CCDC73: variants seen among roughly 807,000 people sequenced by gnomAD.
The protein encoded by CCDC73 is coiled-coil domain containing 73.
CCDC73 carries 95 observed loss-of-function variants against 116.5 expected under a neutral mutation model. That is an observed-to-expected ratio of 0.82 (90% CI 0.69 to 0.97). CCDC73 has a LOEUF of 0.97. Ranked by LOEUF, CCDC73 falls within the 50% of genes least tolerant of loss-of-function variation. The probability of loss-of-function intolerance (pLI) is 0.00; values close to 1 mark genes in which losing one functional copy is unlikely to be tolerated. For missense variants in CCDC73, 1,066 were observed against 1,206.8 expected (o/e 0.88, Z 1.73); for synonymous variants, 398 against 401.3 (o/e 0.99, Z 0.10).
intron 13 of CCDC73, among the ~76,000 whole-genome samples, chr11:32,640,003 A>G (rs1465518944): frequency 1.3e-5 from 2 of 152,156 alleles, no homozygotes; most frequent in Non-Finnish European, 2.9e-5. Flanking sequence ...ACATGATTCC[A>G]ATTTATTTTT....
chr11:32,698,010 A>ATTTTTTTTTTTTTTTTTTTTTTTTT lies in CCDC73; in HGVS notation c.390+1240_390+1241insAAAAAAAAAAAAAAAAAAAAAAAAA, dbSNP rs1849771437. 1.7e-5 allele frequency among the ~76,000 whole-genome samples: 2 copies of ATTTTTTTTTTTTTTTTTTTTTTTTT among 117,758 alleles called. 1 individual carries two copies. The highest frequency in any genetic ancestry group is 6.7e-5 in the African/African-American group (2 of 29,924). 77.3% of individuals were successfully genotyped at this position (117,758 alleles called of 152,430 possible). A position where few individuals can be genotyped will look rare whatever the true frequency, so the allele number is the denominator to read the frequency against. On this transcript the variant is annotated intron_variant, in intron 6 of 17. Coordinates refer to ENST00000335185, the MANE Select transcript of CCDC73 (RefSeq NM_001008391.4). ...TCTGTTGTTTCTTTGTCTAACACTG[A>ATTTTTTTTTTTTTTTTTTTTTTTTT]ATTTTTTTTTTTTTTTTTTTTTTTT... is the stretch of plus-strand genomic sequence containing the variant.
intron 14 of CCDC73, among the ~76,000 whole-genome samples, chr11:32,632,743 GT>G (rs1178275193): frequency 6.6e-6 from 1 of 151,868 alleles, no homozygotes; most frequent in Non-Finnish European, 1.5e-5. Flanking sequence ...ATGTGTGTGT[GT>G]ATGTTGTGTA....
chr11:32,612,956 A>T (rs902910082), intron 16 of CCDC73, among the ~76,000 whole-genome samples: 2 of 152,186 alleles, frequency 1.3e-5, no homozygotes, highest in Non-Finnish European at 2.9e-5. Flanking sequence ...TGAATGCATG[A>T]ATATATGTTA....
At chr11:32,631,247 A>C (rs1443099879) in intron 14 of CCDC73, among the ~76,000 whole-genome samples, 1 of 152,006 alleles carries the variant, frequency 6.6e-6, no homozygotes, top group Non-Finnish European at 1.5e-5. Flanking sequence ...TCTAATTGCC[A>C]TTTATAAAAC....
In CCDC73 at chr11:32,760,714, T is replaced by G. The variant is rs576718090; in HGVS notation, c.-15-456A>C. Among the ~76,000 whole-genome samples, 13 of 152,302 alleles carry G rather than the reference T, an allele frequency of 8.5e-5. No homozygotes were observed. The South Asian group carries it at 2.7e-3, about 32-fold the overall frequency. Reference sequence around the variant, plus strand: ...AATTGCCTTTTATTAAAAACCAAGATAGTTAAATATTTTTCTCAACCCAGA... The same window carrying G: ...AATTGCCTTTTATTAAAAACCAAGAGAGTTAAATATTTTTCTCAACCCAGA... On this transcript the variant is annotated intron_variant, in intron 1 of 17. Transcript: ENST00000335185.
chr11:32,648,500 T>A (rs914057832), intron 12 of CCDC73, among the ~76,000 whole-genome samples: 1 of 152,210 alleles, frequency 6.6e-6, no homozygotes, highest in African/African-American at 2.4e-5. Flanking sequence ...GACACTGTTT[T>A]AGCTTTTTAT....
At position 32,615,940 on chromosome 11, in the gene CCDC73, C is replaced by T. The variant is rs1855469258; in HGVS notation, c.1375G>A (p.Asp459Asn). The T allele has an allele frequency of 1.3e-6, 2 of 1,539,102 alleles. No individual in the cohort carries two copies. Among genetic ancestry groups the T allele is most frequent in the Non-Finnish European group, 1.8e-6 (2 of 1,128,958 alleles). Residue 459 changes from aspartate (D) to asparagine (N), a missense_variant and splice_region_variant, in exon 15 of 18, where the codon GAT becomes AAT. Asp to Asn is a conservative substitution (Grantham distance 23, BLOSUM62 1). Transcript: ENST00000335185. ...GSFIEEIIIDDLQLFEKSFKN... is the reference protein window; with the variant it reads ...GSFIEEIIIDNLQLFEKSFKN... The stretch of plus-strand genomic sequence containing the variant: ...AATATCAATATAATTTTAAGGTTAC[C>T]ATCTATAATTATTTCCTCTATAAAT...
At position 32,676,146 on chromosome 11, in the gene CCDC73, TTAAAAG is replaced by T. The variant is rs1856086979; in HGVS notation, c.430-131_430-126del. On this transcript the variant is annotated intron_variant, in intron 7 of 17. Transcript: ENST00000335185. ...GTAATATAACATAAATAAATGTCAT[TTAAAAG>T]TACTCTCTGAGTAAACTGTAAGGAG... 2.6e-5 allele frequency: 17 copies of T among 650,974 alleles called. No homozygotes were observed. In the South Asian group the frequency reaches 7.4e-4, roughly 28 times the overall value. The allele number at this position is 650,974 out of a possible 1,614,324, so 40.3% of individuals were successfully genotyped here. A position where few individuals can be genotyped will look rare whatever the true frequency, so the allele number is the denominator to read the frequency against.
chr11:32,667,384 C>T (rs1281210875), intron 9 of CCDC73, among the ~76,000 whole-genome samples: 4 of 152,232 alleles, frequency 2.6e-5, no homozygotes, highest in Non-Finnish European at 4.4e-5. Context: ...CCCCCAGCCT[C>T]GCTGCTGCCT....
At chr11:32,618,520 C>G (rs966312989) in intron 14 of CCDC73, among the ~76,000 whole-genome samples, 2 of 151,720 alleles carry the variant, frequency 1.3e-5, no homozygotes, top group Admixed American at 6.6e-5. Flanking sequence ...TCTGCAGCCT[C>G]GTTGGCATCT....
At chr11:32,716,752 A>G (rs1849949903) in intron 3 of CCDC73, among the ~76,000 whole-genome samples, 1 of 152,048 alleles carries the variant, frequency 6.6e-6, no homozygotes, top group Admixed American at 6.5e-5. Context: ...TAATAGAGAC[A>G]AGGTCTCACT....
At chr11:32,764,732 CA>C in intron 1 of CCDC73, among the ~76,000 whole-genome samples, 1 of 152,282 alleles carries the variant, frequency 6.6e-6, no homozygotes, top group East Asian at 1.9e-4. Context: ...CAGCTAACAT[CA>C]TAATGACAGG....
chr11:32,674,847 A>G (rs1206879636), intron 9 of CCDC73, among the ~76,000 whole-genome samples: 2 of 152,204 alleles, frequency 1.3e-5, no homozygotes, highest in Admixed American at 6.5e-5. Context: ...AAATCTAGAT[A>G]AGGTTAGGAA....
At chr11:32,814,161 A>C in the CCDC73 span, among the ~76,000 whole-genome samples, 1 of 152,200 alleles carries the variant, frequency 6.6e-6, no homozygotes, top group African/African-American at 2.4e-5. Context: ...ATTGACAATT[A>C]AGTTATGTCA....
intron 1 of CCDC73, among the ~76,000 whole-genome samples, chr11:32,768,793 C>A (rs768151677): frequency 1.3e-5 from 2 of 152,084 alleles, no homozygotes; most frequent in Admixed American, 6.5e-5. Flanking sequence ...TGTGGTGAGC[C>A]TTGATCGTGC....
chr11:32,723,862 T>C (rs982059723), intron 2 of CCDC73, among the ~76,000 whole-genome samples: 8 of 152,088 alleles, frequency 5.3e-5, no homozygotes, highest in African/African-American at 1.4e-4. Context: ...TTTTTTCTCA[T>C]TGACATTTAA....
chr11:32,675,542 G>A, intron 9 of CCDC73, 23 bp downstream of exon 9: 1 of 1,379,654 alleles, frequency 7.2e-7, no homozygotes, highest in Non-Finnish European at 1.0e-6. Flanking sequence ...TTACTTAGTA[G>A]TGTGAAACTG....
At chr11:32,628,780 C>T (rs931823155) in intron 14 of CCDC73, among the ~76,000 whole-genome samples, 12 of 152,132 alleles carry the variant, frequency 7.9e-5, no homozygotes, top group African/African-American at 2.9e-4. Flanking sequence ...TAAAAATTTA[C>T]TGGACAGGGA....
chr11:32,677,493 GAT>G (rs1856099580), intron 7 of CCDC73, among the ~76,000 whole-genome samples: 2 of 152,114 alleles, frequency 1.3e-5, no homozygotes, highest in South Asian at 4.2e-4. Flanking sequence ...TATCTGAACT[GAT>G]ATGAGACCTC....
Sources: allele counts gnomAD v4.1 joint callset (sites outside exome capture counted in the v4.1 genomes callset), GRCh38; gene constraint gnomAD v4.1.1; transcripts MANE v1.5; gene names NCBI Gene and HGNC (gene_info 2026-07-23, HGNC 2026-07-21).